TMEM108: variants seen among roughly 807,000 people sequenced by gnomAD.
TMEM108 encodes the protein transmembrane protein 108.
Under a neutral mutation model 35.1 loss-of-function variants are expected in TMEM108, and 12 were observed. That is an observed-to-expected ratio of 0.34 (90% confidence interval 0.22 to 0.55). The LOEUF is 0.55. Among genes scored for constraint, TMEM108 ranks in the 20% least tolerant of loss-of-function variants. TMEM108 has a pLI of 0.89. For missense variants in TMEM108, 680 were observed against 753.3 expected, an observed-to-expected ratio of 0.90 and a Z score of 1.14; for synonymous variants, 287 against 308.6, an observed-to-expected ratio of 0.93 and a Z score of 0.73.
chr3:133,309,963 G>A (rs1298375171), intron 3 of TMEM108, among the ~76,000 whole-genome samples: 1 of 152,168 alleles, frequency 6.6e-6, no homozygotes, highest in Non-Finnish European at 1.5e-5. Flanking sequence ...GCCTCCCAAA[G>A]TGCTGGGATT....
In TMEM108 at chr3:133,390,213, A is replaced by G. The variant is rs773816700; in HGVS notation, c.1484A>G (p.Lys495Arg). The G allele has an allele frequency of 5.0e-6, 8 of 1,613,518 alleles. No homozygotes were observed. The highest frequency in any genetic ancestry group is 1.1e-5 in the South Asian group (1 of 91,062). ...VLLTVCCMKRKKKTANPENNL... is the reference protein window; with the variant it reads ...VLLTVCCMKRRKKTANPENNL... Reference sequence around the variant, plus strand: ...CTGACGGTGTGCTGCATGAAGAGGAAGAAGAAGACCGCCAACCCGGAGAAC... The same window carrying G: ...CTGACGGTGTGCTGCATGAAGAGGAGGAAGAAGACCGCCAACCCGGAGAAC... The change falls in exon 5 of 6, where the codon AAG (lysine) becomes AGG (arginine). Residue 495 changes from lysine (K) to arginine (R), a missense_variant. Lys to Arg is a conservative substitution (Grantham distance 26). Transcript: ENST00000321871.
intron 4 of TMEM108, among the ~76,000 whole-genome samples, chr3:133,382,675 C>T (rs1369835486): frequency 1.3e-5 from 2 of 152,242 alleles, no homozygotes; most frequent in Non-Finnish European, 2.9e-5. Context: ...GGAACAAAGC[C>T]CCGAAGGCTT....
chr3:133,191,525 G>A (rs760119745), intron 2 of TMEM108, among the ~76,000 whole-genome samples: 1 of 152,126 alleles, frequency 6.6e-6, no homozygotes, highest in Admixed American at 6.5e-5. Flanking sequence ...TGCCAACAAG[G>A]ATGGGCTTCA....
chr3:133,175,976 G>C (rs1432308720), intron 2 of TMEM108, among the ~76,000 whole-genome samples: 2 of 152,124 alleles, frequency 1.3e-5, no homozygotes, highest in African/African-American at 4.8e-5. Context: ...GATGGAGGAA[G>C]ATCTACCAAG....
intron 2 of TMEM108, among the ~76,000 whole-genome samples, chr3:133,061,042 A>G (rs1943528372): frequency 1.3e-5 from 2 of 152,166 alleles, no homozygotes; most frequent in African/African-American, 4.8e-5. Context: ...ATCACAGACA[A>G]CATAAATAAT....
chr3:133,081,153 G>T (rs1239532418), intron 2 of TMEM108, among the ~76,000 whole-genome samples: 1 of 152,176 alleles, frequency 6.6e-6, no homozygotes, highest in Non-Finnish European at 1.5e-5. Context: ...ACGTTTCACT[G>T]GAAGATGACT....
intron 2 of TMEM108, among the ~76,000 whole-genome samples, chr3:133,223,394 G>C (rs1391087549): frequency 6.6e-6 from 1 of 152,184 alleles, no homozygotes; most frequent in Non-Finnish European, 1.5e-5. Context: ...TGAACCTGGA[G>C]CTTAAAACTA....
intron 3 of TMEM108, among the ~76,000 whole-genome samples, chr3:133,340,867 T>A (rs188421583): frequency 1.9e-3 from 288 of 151,796 alleles, no homozygotes; most frequent in African/African-American, 6.7e-3. Flanking sequence ...AATTTAACAT[T>A]CATGATAAAA....
intron 2 of TMEM108, among the ~76,000 whole-genome samples, chr3:133,176,244 T>C (rs1188922659): frequency 6.6e-6 from 1 of 152,128 alleles, no homozygotes; most frequent in Non-Finnish European, 1.5e-5. Context: ...CACCCCACTG[T>C]CAACATTAGA....
intron 3 of TMEM108, among the ~76,000 whole-genome samples, chr3:133,260,687 A>G (rs565772990): frequency 2.0e-5 from 3 of 152,318 alleles, no homozygotes; most frequent in South Asian, 4.1e-4. Context: ...GATAAATAAC[A>G]TGATATTCTT....
intron 3 of TMEM108, among the ~76,000 whole-genome samples, chr3:133,332,200 T>A (rs774709348): frequency 6.6e-6 from 1 of 152,116 alleles, no homozygotes; most frequent in African/African-American, 2.4e-5. Flanking sequence ...TGAAGTCTTA[T>A]AGGGGAGGGG....
chr3:133,198,738 C>A (rs114147192), intron 2 of TMEM108, among the ~76,000 whole-genome samples: 1,884 of 152,280 alleles, frequency 0.012, 43 homozygotes, highest in African/African-American at 0.043. Context: ...CCTTTCTCCT[C>A]AAGATTTCCT....
intron 3 of TMEM108, among the ~76,000 whole-genome samples, chr3:133,249,402 C>A (rs544183259): frequency 2.0e-5 from 3 of 152,140 alleles, no homozygotes; most frequent in Non-Finnish European, 4.4e-5. Flanking sequence ...AGGGGAAAAA[C>A]GAGAGTAGGG....
chr3:133,218,704 C>T (rs1461450763), intron 2 of TMEM108, among the ~76,000 whole-genome samples: 2 of 151,972 alleles, frequency 1.3e-5, no homozygotes, highest in African/African-American at 2.4e-5. Flanking sequence ...TATGTTGAAG[C>T]ATCCTTGCAT....
intron 2 of TMEM108, among the ~76,000 whole-genome samples, chr3:133,085,500 C>G (rs527429131): frequency 2.0e-5 from 3 of 152,040 alleles, no homozygotes; most frequent in Non-Finnish European, 4.4e-5. Flanking sequence ...TAAGGATTTC[C>G]CCTTTCACTT....
At chr3:133,098,386 A>G (rs1944043786) in intron 2 of TMEM108, among the ~76,000 whole-genome samples, 1 of 152,172 alleles carries the variant, frequency 6.6e-6, no homozygotes, top group African/African-American at 2.4e-5. Flanking sequence ...GGGAGACAAA[A>G]TTCAAGTTCA....
chr3:133,245,403 C>G (rs1254134962), intron 3 of TMEM108, among the ~76,000 whole-genome samples: 1 of 152,164 alleles, frequency 6.6e-6, no homozygotes, highest in South Asian at 2.1e-4. Context: ...GTTGTTTGTC[C>G]CAGCCTGGCA....
At chr3:133,070,099 C>A (rs975955343) in intron 2 of TMEM108, among the ~76,000 whole-genome samples, 3 of 152,090 alleles carry the variant, frequency 2.0e-5, no homozygotes, top group Admixed American at 6.6e-5. Context: ...GCACTTGTTT[C>A]TTTTCCTGCT....
At chr3:133,290,933 A>G (rs914282765) in intron 3 of TMEM108, among the ~76,000 whole-genome samples, 1 of 152,216 alleles carries the variant, frequency 6.6e-6, no homozygotes, top group African/African-American at 2.4e-5. Context: ...AAGTCATGTT[A>G]TGATTTCAGA....
Sources: gnomAD v4.1 joint callset for allele counts (sites outside exome capture counted in the v4.1 genomes callset) on GRCh38, gnomAD v4.1.1 for gene constraint, MANE v1.5 for transcripts, NCBI Gene and HGNC (gene_info 2026-07-23, HGNC 2026-07-21) for gene names.